Variants in CNTNAP5 observed in about 807,000 individuals in gnomAD.
CNTNAP5 encodes contactin associated protein family member 5.
In CNTNAP5, 72 loss-of-function variants were observed where a neutral mutation model predicts 150.2. The observed-to-expected ratio is 0.48, with a 90% CI of 0.40 to 0.58. The LOEUF is 0.58. CNTNAP5 is among the 20% of genes least tolerant of loss of function. The pLI, the probability that CNTNAP5 is intolerant of heterozygous loss-of-function variation, is 0.00. For missense variants in CNTNAP5, 1,636 were observed against 1,626.2 expected (o/e 1.01, Z -0.10); for synonymous variants, 672 against 619.8 (o/e 1.08, Z -1.25).
chr2:124,884,983 T>C (rs1678048986), intron 21 of CNTNAP5, among the ~76,000 whole-genome samples: 1 of 152,076 alleles, frequency 6.6e-6, no homozygotes, highest in Non-Finnish European at 1.5e-5. Flanking sequence ...CTAAGTCTTC[T>C]AAATGTAGAA....
intron 19 of CNTNAP5, among the ~76,000 whole-genome samples, chr2:124,862,077 G>T (rs543682230): frequency 7.2e-5 from 11 of 152,302 alleles, no homozygotes; most frequent in African/African-American, 2.6e-4. Flanking sequence ...GCCTCCCAAA[G>T]TGCTGGGATT....
chr2:124,692,974 G>T (rs1679330092), intron 13 of CNTNAP5, among the ~76,000 whole-genome samples: 1 of 152,064 alleles, frequency 6.6e-6, no homozygotes, highest in South Asian at 2.1e-4. Context: ...AGAAATCAAA[G>T]AATTCTTTGT....
intron 1 of CNTNAP5, among the ~76,000 whole-genome samples, chr2:124,178,550 G>A (rs1685123861): frequency 6.6e-6 from 1 of 152,136 alleles, no homozygotes; most frequent in Non-Finnish European, 1.5e-5. Flanking sequence ...TTTGTTTAAT[G>A]TTTTATTTAA....
chr2:124,843,257 C>T (rs1682980364), intron 19 of CNTNAP5, among the ~76,000 whole-genome samples: 2 of 152,000 alleles, frequency 1.3e-5, no homozygotes, highest in Admixed American at 6.6e-5. Flanking sequence ...CTTTTTATGG[C>T]TGAGTAGTAT....
chr2:124,789,637 T>C (rs1030113513), intron 17 of CNTNAP5, among the ~76,000 whole-genome samples: 1 of 152,166 alleles, frequency 6.6e-6, no homozygotes, highest in South Asian at 2.1e-4. Flanking sequence ...CTCCCACTTA[T>C]AAATGAGAAT....
At chr2:124,635,935 A>G (rs1219952035) in intron 12 of CNTNAP5, among the ~76,000 whole-genome samples, 6 of 152,212 alleles carry the variant, frequency 3.9e-5, no homozygotes, top group Admixed American at 1.3e-4. Flanking sequence ...AGTAGGAGAC[A>G]TTGACTGATT....
intron 16 of CNTNAP5, among the ~76,000 whole-genome samples, chr2:124,768,698 G>A (rs1681121791): frequency 6.6e-6 from 1 of 152,008 alleles, no homozygotes; most frequent in African/African-American, 2.4e-5. Context: ...TAGAATCGAG[G>A]ACCCACCCAG....
intron 19 of CNTNAP5, among the ~76,000 whole-genome samples, chr2:124,850,857 C>T (rs370325328): frequency 3.3e-5 from 5 of 152,068 alleles, no homozygotes; most frequent in African/African-American, 1.2e-4. Context: ...AAATAAGATA[C>T]TGATTATGAA....
intron 19 of CNTNAP5, among the ~76,000 whole-genome samples, chr2:124,798,590 G>T (rs1038911095): frequency 1.3e-5 from 2 of 152,154 alleles, no homozygotes; most frequent in Non-Finnish European, 2.9e-5. Flanking sequence ...TTTATTCTGT[G>T]CTGGAATCCA....
chr2:124,493,271 T>C (rs940079227), intron 7 of CNTNAP5, among the ~76,000 whole-genome samples: 1 of 151,874 alleles, frequency 6.6e-6, no homozygotes, highest in Admixed American at 6.6e-5. Context: ...GATTTGCATA[T>C]GTTGAGCTAT....
chr2:124,378,701 G>T (rs1449188214), intron 3 of CNTNAP5, among the ~76,000 whole-genome samples: 2 of 151,980 alleles, frequency 1.3e-5, no homozygotes, highest in African/African-American at 4.8e-5. Context: ...AATATTTATG[G>T]GATGTCTTCT....
intron 2 of CNTNAP5, among the ~76,000 whole-genome samples, chr2:124,234,478 T>G (rs1686698949): frequency 6.6e-6 from 1 of 152,214 alleles, no homozygotes; most frequent in Non-Finnish European, 1.5e-5. Context: ...AATTTAAATT[T>G]AAATATTCAC....
At chr2:124,661,443 A>G (rs1240551823) in intron 13 of CNTNAP5, among the ~76,000 whole-genome samples, 1 of 152,118 alleles carries the variant, frequency 6.6e-6, no homozygotes, top group Non-Finnish European at 1.5e-5. Context: ...ACTGTCTTCT[A>G]TCTCCACATC....
intron 1 of CNTNAP5, among the ~76,000 whole-genome samples, chr2:124,176,776 C>T (rs1394572006): frequency 6.6e-6 from 1 of 150,440 alleles, no homozygotes; most frequent in Non-Finnish European, 1.5e-5. Flanking sequence ...AGAACTTTCT[C>T]TGGAAGGGGG....
chr2:124,795,516 GTTGTT>G (rs537119826), intron 18 of CNTNAP5, among the ~76,000 whole-genome samples: 3 of 151,958 alleles, frequency 2.0e-5, no homozygotes, highest in South Asian at 2.1e-4. Context: ...GTTTTTGTTT[GTTGTT>G]TTGTTTTGTT....
At chr2:124,818,953 T>C (rs1194541026) in intron 19 of CNTNAP5, among the ~76,000 whole-genome samples, 3 of 152,142 alleles carry the variant, frequency 2.0e-5, no homozygotes, top group African/African-American at 7.2e-5. Flanking sequence ...ACTTTCTCTA[T>C]GTGCAAACCC....
At chr2:124,842,538 G>A (rs1682965773) in intron 19 of CNTNAP5, among the ~76,000 whole-genome samples, 1 of 152,318 alleles carries the variant, frequency 6.6e-6, no homozygotes, top group African/African-American at 2.4e-5. Flanking sequence ...CAGTTGGTCT[G>A]TATTCATTCC....
At chr2:124,397,749 C>T (rs748886469) in intron 3 of CNTNAP5, among the ~76,000 whole-genome samples, 1 of 152,088 alleles carries the variant, frequency 6.6e-6, no homozygotes, top group Non-Finnish European at 1.5e-5. Context: ...AGGTGATACA[C>T]GAAATAATGG....
chr2:124,803,708 G>A (rs1682021144), intron 19 of CNTNAP5, among the ~76,000 whole-genome samples: 1 of 152,168 alleles, frequency 6.6e-6, no homozygotes, highest in Non-Finnish European at 1.5e-5. Flanking sequence ...GAATAATGAT[G>A]AACTGCGACA....
Sources: allele counts gnomAD v4.1 joint callset (sites outside exome capture counted in the v4.1 genomes callset), GRCh38; gene constraint gnomAD v4.1.1; transcripts MANE v1.5; gene names NCBI Gene and HGNC (gene_info 2026-07-23, HGNC 2026-07-21).